Variants in VPS37A observed in about 807,000 individuals in gnomAD.
VPS37A encodes the protein VPS37A subunit of ESCRT-I.
A neutral mutation model predicts 49.8 loss-of-function variants in VPS37A; 30 were observed. The observed-to-expected ratio is 0.60, with a 90% CI of 0.45 to 0.82. The LOEUF is 0.82. Ranked by LOEUF, VPS37A falls within the 40% of genes least tolerant of loss-of-function variation. The pLI is 0.00. For synonymous variants in VPS37A, 195 were observed against 160.6 expected (o/e 1.21, Z -1.62); for missense variants, 593 against 464.4 (o/e 1.28, Z -2.55).
At chr8:17,265,687 C>T (rs1310390311) in intron 1 of VPS37A, 1 of 1,255,620 alleles carries the variant, frequency 8.0e-7, no homozygotes, top group South Asian at 1.3e-5. Context: ...CATCATCATC[C>T]CCCTTCCCCT....
the VPS37A span, chr8:17,331,313 C>A: frequency 6.4e-7 from 1 of 1,552,454 alleles, no homozygotes; most frequent in Non-Finnish European, 8.7e-7. Flanking sequence ...GAACAGTCAT[C>A]AATTACATTG....
At position 17,262,459 on chromosome 8, in the gene VPS37A, C is replaced by G. The variant is rs541001193; in HGVS notation, c.126-3448C>G. Among the ~76,000 whole-genome samples the G allele has an allele frequency of 1.4e-4, 21 of 152,208 alleles. No homozygotes were observed. In the South Asian group the frequency reaches 3.9e-3, roughly 29 times the overall value. On this transcript the variant is annotated intron_variant, in intron 1 of 11. Coordinates refer to ENST00000324849, the MANE Select transcript of VPS37A (RefSeq NM_152415.3). Reference sequence around the variant, plus strand: ...TTTAGCCCCAACAAATTCAGAGCCACTGAGGTAAAACCATAGTAATTCTCT... The same window carrying G: ...TTTAGCCCCAACAAATTCAGAGCCAGTGAGGTAAAACCATAGTAATTCTCT...
rs529213786 is a variant in VPS37A, at chr8:17,296,638, A to C, written c.*1652A>C. On this transcript the variant is annotated 3_prime_UTR_variant, in exon 12 of 12. Coordinates refer to ENST00000324849, the MANE Select transcript of VPS37A (RefSeq NM_152415.3). ...TTTGATTAATTCATTTGATCTATCTATGTTATTAAGTACCTACTAGGAATA... is the reference window on the plus strand; with the variant it reads ...TTTGATTAATTCATTTGATCTATCTCTGTTATTAAGTACCTACTAGGAATA... The C allele has an allele frequency of 2.6e-5, 4 of 152,298 alleles. No individual in the cohort carries two copies. In the East Asian group the frequency reaches 7.7e-4, roughly 29 times the overall value. The allele number at this position is 152,298 out of a possible 1,614,324, so 9.4% of individuals were successfully genotyped here.
intron 1 of VPS37A, among the ~76,000 whole-genome samples, chr8:17,255,153 CA>C (rs1812322198): frequency 6.6e-6 from 1 of 152,130 alleles, no homozygotes; most frequent in African/African-American, 2.4e-5. Flanking sequence ...CTTATGAAAT[CA>C]AACTAAATAT....
chr8:17,332,742 A>C, the VPS37A span, among the ~76,000 whole-genome samples: 1 of 152,244 alleles, frequency 6.6e-6, no homozygotes, highest in Non-Finnish European at 1.5e-5. Context: ...TAGACTTGGC[A>C]TTGGCCCATG....
chr8:17,305,744 C>T (rs765300243), downstream of VPS37A: 17 of 1,595,700 alleles, frequency 1.1e-5, no homozygotes, highest in Non-Finnish European at 1.4e-5. Flanking sequence ...ACCAAAAACA[C>T]CAAAACACTT....
downstream of VPS37A, chr8:17,302,316 A>C: frequency 6.3e-7 from 1 of 1,583,394 alleles, no homozygotes. Flanking sequence ...ATACCACCTT[A>C]TCACAGTCTG....
chr8:17,312,988 G>A, the VPS37A span, among the ~76,000 whole-genome samples: 4 of 152,284 alleles, frequency 2.6e-5, no homozygotes, highest in South Asian at 6.2e-4. Flanking sequence ...CATCACTGAA[G>A]TAACTCACAT....
the VPS37A span, among the ~76,000 whole-genome samples, chr8:17,310,407 G>A: frequency 1.3e-5 from 2 of 152,180 alleles, no homozygotes; most frequent in African/African-American, 4.8e-5. Flanking sequence ...TGAACTAGTG[G>A]AAGTCTGTTC....
chr8:17,308,320 C>T, the VPS37A span, among the ~76,000 whole-genome samples: 11 of 151,988 alleles, frequency 7.2e-5, no homozygotes, highest in African/African-American at 2.7e-4. Context: ...TTAATAGAAC[C>T]CCAAACTGAA....
At chr8:17,300,585 G>A (rs929884151), downstream of VPS37A, among the ~76,000 whole-genome samples, 8 of 152,138 alleles carry the variant, frequency 5.3e-5, no homozygotes, top group African/African-American at 1.9e-4. Flanking sequence ...TGAATGAAGT[G>A]TTTATCATCT....
At chr8:17,263,895 C>T (rs1330283271) in intron 1 of VPS37A, among the ~76,000 whole-genome samples, 1 of 152,074 alleles carries the variant, frequency 6.6e-6, no homozygotes, top group African/African-American at 2.4e-5. Flanking sequence ...GAGCCAAGAT[C>T]GTGTCACCAC....
At chr8:17,275,101 C>G (rs1200987844) in intron 5 of VPS37A, 143 bp downstream of exon 5, 2 of 747,512 alleles carry the variant, frequency 2.7e-6, no homozygotes, top group Non-Finnish European at 4.3e-6. Context: ...ATTCAAGTAA[C>G]AGGTAACCAA....
At chr8:17,306,389 T>TG (rs1817457091), downstream of VPS37A, among the ~76,000 whole-genome samples, 2 of 150,708 alleles carry the variant, frequency 1.3e-5, no homozygotes, top group African/African-American at 2.4e-5. Context: ...AAAGACAACT[T>TG]GAAAAAAAAA....
At chr8:17,252,634 C>A (rs1812082641) in intron 1 of VPS37A, among the ~76,000 whole-genome samples, 1 of 152,164 alleles carries the variant, frequency 6.6e-6, no homozygotes, top group Non-Finnish European at 1.5e-5. Context: ...GCAACATTTG[C>A]TTCAAGCTGA....
In VPS37A at chr8:17,247,139, C is replaced by G; in HGVS notation, c.-106C>G. On this transcript the variant is annotated 5_prime_UTR_variant, in exon 1 of 12. Coordinates refer to ENST00000324849, the MANE Select transcript of VPS37A (RefSeq NM_152415.3). ...GACGCGGTCCCCAGCGCTTGGGCCA[C>G]GGACGTCCCACCCCGCTCCTCTGTC... 2.0e-6 allele frequency: 3 copies of G among 1,477,356 alleles called. No individual in the cohort carries two copies. Among genetic ancestry groups the G allele is most frequent in the South Asian group, 1.2e-5 (1 of 81,956 alleles). The allele number at this position is 1,477,356 out of a possible 1,614,324, so 91.5% of individuals were successfully genotyped here.
Position 17,252,910 on chromosome 8 carries a change from ATATAG to A in VPS37A, c.125+5544_125+5548del, listed in dbSNP as rs200459181. ...ACTGTGTAAATGCACTTTGAGCTCT[ATATAG>A]TAAACTTTAAAATTATGCGTATCAA... On this transcript the variant is annotated intron_variant, in intron 1 of 11. Transcript: ENST00000324849. Among the ~76,000 whole-genome samples the A allele has an allele frequency of 2.5e-3, 375 of 152,350 alleles. 4 individuals carry two copies. Among genetic ancestry groups the A allele is most frequent in the African/African-American group, 8.7e-3 (361 of 41,582 alleles).
intron 4 of VPS37A, among the ~76,000 whole-genome samples, chr8:17,274,196 A>G (rs564296684): frequency 2.0e-5 from 3 of 152,246 alleles, no homozygotes; most frequent in Non-Finnish European, 2.9e-5. Flanking sequence ...GTGTGACTCT[A>G]ATATACATGC....
the VPS37A span, chr8:17,331,344 C>T: frequency 1.3e-6 from 2 of 1,498,952 alleles, no homozygotes; most frequent in Non-Finnish European, 1.8e-6. Context: ...GATGAAACAA[C>T]CAAAACATTT....
Sources: allele counts gnomAD v4.1 joint callset (sites outside exome capture counted in the v4.1 genomes callset), GRCh38; gene constraint gnomAD v4.1.1; transcripts MANE v1.5; gene names NCBI Gene and HGNC (gene_info 2026-07-23, HGNC 2026-07-21).